The following IARS1 variants were observed in gnomAD, a reference collection of about 807,000 sequenced individuals.
The protein encoded by IARS1 is isoleucine--tRNA ligase, cytoplasmic.
Under a neutral mutation model 168.2 loss-of-function variants are expected in IARS1, and 124 were observed. That is an observed-to-expected ratio of 0.74 (90% CI 0.64 to 0.86). The LOEUF (loss-of-function observed/expected upper bound fraction) is 0.86. IARS1 is among the 40% of genes least tolerant of loss of function. The pLI, the probability that IARS1 is intolerant of heterozygous loss-of-function variation, is 0.00. For synonymous variants in IARS1, 532 were observed against 529.4 expected (o/e 1.00, Z -0.07); for missense variants, 1,452 against 1,515.8 (o/e 0.96, Z 0.70).
chr9:92,252,465 A>G (rs1830140382), intron 21 of IARS1: 2 of 482,638 alleles, frequency 4.1e-6, no homozygotes, highest in Admixed American at 4.4e-5. Context: ...TTTATTATTA[A>G]TGCCTTTTAA....
chr9:92,229,241 C>T (rs1200835482), intron 30 of IARS1, 115 bp from the exon 31 acceptor site: 7 of 905,812 alleles, frequency 7.7e-6, no homozygotes, highest in African/African-American at 3.4e-5. Context: ...TTCCTTTTCC[C>T]CCAACTATAC....
At chr9:92,240,560 CTTT>C (rs772795634) in intron 30 of IARS1, 185 of 587,046 alleles carry the variant, frequency 3.2e-4, no homozygotes, top group Middle Eastern at 8.7e-4. Flanking sequence ...ATGCCTGGCC[CTTT>C]TTTTTTTTTT....
At chr9:92,245,911 C>T (rs766594441) in intron 26 of IARS1, among the ~76,000 whole-genome samples, 2 of 151,954 alleles carry the variant, frequency 1.3e-5, no homozygotes, top group Admixed American at 6.6e-5. Flanking sequence ...GAACTACAGG[C>T]GCCTGCCACC....
intron 6 of IARS1, 90 bp downstream of exon 6, chr9:92,285,632 G>C: frequency 1.3e-6 from 1 of 752,588 alleles, no homozygotes; most frequent in Non-Finnish European, 2.3e-6. Context: ...TTCCACACTG[G>C]GTCTACTTGG....
intron 30 of IARS1, among the ~76,000 whole-genome samples, chr9:92,239,653 G>A (rs940084049): frequency 1.3e-5 from 2 of 152,180 alleles, no homozygotes; most frequent in African/African-American, 4.8e-5. Context: ...GCCCAGAAGG[G>A]ATGGAAATCT....
chr9:92,250,372 G>C, intron 23 of IARS1, 83 bp from the exon 24 acceptor site: 1 of 901,508 alleles, frequency 1.1e-6, no homozygotes, highest in South Asian at 1.3e-5. Context: ...AAGCGAGGAA[G>C]AGGGTCAGGC....
chr9:92,269,182 C>T (rs1049075170), intron 13 of IARS1, among the ~76,000 whole-genome samples: 1 of 152,204 alleles, frequency 6.6e-6, no homozygotes, highest in African/African-American at 2.4e-5. Flanking sequence ...TAGAAAGCTA[C>T]AGTTTATAAC....
At chr9:92,279,154 G>C (rs1834164342) in intron 7 of IARS1, among the ~76,000 whole-genome samples, 1 of 152,124 alleles carries the variant, frequency 6.6e-6, no homozygotes, top group Admixed American at 6.6e-5. Context: ...AGAAAAATGA[G>C]TATCTATGGG....
chr9:92,261,454 G>C (rs917230383), intron 17 of IARS1, among the ~76,000 whole-genome samples: 3 of 152,162 alleles, frequency 2.0e-5, no homozygotes, highest in Non-Finnish European at 2.9e-5. Context: ...AAGGCAGGAG[G>C]GGAAGGCAAT....
At chr9:92,236,911 T>A (rs1341800813) in intron 30 of IARS1, among the ~76,000 whole-genome samples, 3 of 152,218 alleles carry the variant, frequency 2.0e-5, no homozygotes, top group Admixed American at 6.5e-5. Flanking sequence ...TCTGTATCAA[T>A]AATTCTTTTT....
At chr9:92,214,275 T>G (rs913148811) in intron 33 of IARS1, among the ~76,000 whole-genome samples, 3 of 151,158 alleles carry the variant, frequency 2.0e-5, no homozygotes, top group Non-Finnish European at 2.9e-5. Context: ...AATAGAATGG[T>G]CTGGGTGTGG....
intron 18 of IARS1, among the ~76,000 whole-genome samples, chr9:92,259,868 G>A (rs772884988): frequency 6.6e-6 from 1 of 152,226 alleles, no homozygotes; most frequent in East Asian, 1.9e-4. Flanking sequence ...AAGTAAGGCA[G>A]AGGCAATCAG....
Position 92,229,358 on chromosome 9 carries a change from T to TACACACACACACACAC in IARS1, c.3284-248_3284-233dup, listed in dbSNP as rs113517739. 2.6e-3 allele frequency among the ~76,000 whole-genome samples: 381 copies of TACACACACACACACAC among 144,902 alleles called. 7 individuals carry two copies. The highest frequency in any genetic ancestry group is 9.0e-3 in the African/African-American group (349 of 38,750). ...TATAGTGTATATGCAATATATACAC[T>TACACACACACACACAC]ACACACACACACACACACACACACA... is the stretch of plus-strand genomic sequence containing the variant. On this transcript the variant is annotated intron_variant, in intron 30 of 33. Transcript: ENST00000443024.
chr9:92,250,241 C>A lies in IARS1; in HGVS notation c.2478G>T (p.Gln826His), dbSNP rs762024036. The A allele has an allele frequency of 6.2e-7, 1 of 1,612,998 alleles. No homozygotes were observed. Among genetic ancestry groups the A allele is most frequent in the South Asian group, 1.1e-5 (1 of 91,052 alleles). Residue 826 changes from glutamine (Q) to histidine (H), a missense_variant, in exon 24 of 34, where the codon CAG (glutamine) becomes CAT (histidine). Physicochemically the swap from Gln to His is conservative, Grantham distance 24. Transcript: ENST00000443024. Reference protein sequence around the residue: ...KKTESAVSQMQSVIELGRVIR... With the variant: ...KKTESAVSQMHSVIELGRVIR... The stretch of plus-strand genomic sequence containing the variant: ...TCACTCTTCCAAGTTCAATCACAGA[C>A]TGCATCTGAGATACTGCACTCTCTG...
rs1396305054 is a variant in IARS1, at chr9:92,250,742, G to A, written c.2400C>T (p.Ser800=). The A allele has an allele frequency of 6.2e-7, 1 of 1,612,862 alleles. No individual in the cohort carries two copies. The highest frequency in any genetic ancestry group is 8.5e-7 in the Non-Finnish European group (1 of 1,179,540). The part of the protein sequence containing the change: ...PVSVQDKDTL[S]IHYLMLPRVR... ...CACGGGGCAGCATGAGGTAGTGAAT[G>A]CTGAGTGTGTCCTTGTCCTGAACAG... The change falls in exon 23 of 34, where the codon AGC becomes AGT. Residue 800 remains serine (S), a synonymous_variant. Coordinates refer to ENST00000443024, the MANE Select transcript of IARS1 (RefSeq NM_002161.6).
At position 92,243,257 on chromosome 9, in the gene IARS1, C is replaced by A; in HGVS notation, c.2959G>T (p.Ala987Ser). Reference sequence around the variant, plus strand: ...TGTATGCGATTGATGACTTCCCGAGCCATTCCTTCATCTACCATTGACTGG... The same window carrying A: ...TGTATGCGATTGATGACTTCCCGAGACATTCCTTCATCTACCATTGACTGG... ...PDQSMVDEGM[A>S]REVINRIQKL... Residue 987 changes from alanine to serine, a missense_variant, in exon 28 of 34, where the codon GCT becomes TCT. Ala to Ser is a moderately conservative substitution (Grantham distance 99). Coordinates refer to ENST00000443024, the MANE Select transcript of IARS1 (RefSeq NM_002161.6). 1 of 1,613,724 alleles carries A rather than the reference C, an allele frequency of 6.2e-7. No individual in the cohort carries two copies. Among genetic ancestry groups the A allele is most frequent in the Non-Finnish European group, 8.5e-7 (1 of 1,179,682 alleles).
chr9:92,212,863 T>G (rs1837986781), intron 33 of IARS1, among the ~76,000 whole-genome samples: 1 of 151,960 alleles, frequency 6.6e-6, no homozygotes, highest in African/African-American at 2.4e-5. Flanking sequence ...TTCTGAGGCA[T>G]AAGAGAATAA....
At chr9:92,222,467 T>C (rs1839813098) in intron 33 of IARS1, 53 bp downstream of exon 33, 2 of 1,536,070 alleles carry the variant, frequency 1.3e-6, no homozygotes, top group Non-Finnish European at 1.8e-6. Flanking sequence ...GTTAATGGCA[T>C]CAAAATCTAC....
intron 21 of IARS1, among the ~76,000 whole-genome samples, 174 bp downstream of exon 21, chr9:92,253,188 C>T (rs1830258391): frequency 1.3e-5 from 2 of 152,078 alleles, no homozygotes; most frequent in African/African-American, 4.8e-5. Flanking sequence ...TTATAGATCC[C>T]TATCCCTCAA....
Sources: gnomAD v4.1 joint callset for allele counts (sites outside exome capture counted in the v4.1 genomes callset) on GRCh38, gnomAD v4.1.1 for gene constraint, MANE v1.5 for transcripts, NCBI Gene and HGNC (gene_info 2026-07-23, HGNC 2026-07-21) for gene names.